The following STK33 variants were observed in gnomAD, a reference collection of about 807,000 sequenced individuals.
STK33 encodes serine/threonine kinase 33.
Under a neutral mutation model 58.0 loss-of-function variants are expected in STK33, and 52 were observed. The observed-to-expected ratio is 0.90, with a 90% CI of 0.72 to 1.13. The LOEUF (loss-of-function observed/expected upper bound fraction) is 1.13. Ranked by LOEUF, STK33 falls within the 50% of genes most tolerant of loss-of-function variation. The probability of loss-of-function intolerance (pLI) is 0.00; values close to 1 mark genes in which losing one functional copy is unlikely to be tolerated. For missense variants in STK33, 630 were observed against 604.2 expected, an observed-to-expected ratio of 1.04 and a Z score of -0.45; for synonymous variants, 215 against 200.1, an observed-to-expected ratio of 1.07 and a Z score of -0.63.
chr11:8,409,377 C>A (rs1939818534), intron 15 of STK33, among the ~76,000 whole-genome samples: 1 of 152,184 alleles, frequency 6.6e-6, no homozygotes, highest in Non-Finnish European at 1.5e-5. Flanking sequence ...ATCATGCAAA[C>A]ACTTTTAAGG....
intron 15 of STK33, among the ~76,000 whole-genome samples, chr11:8,396,739 T>G (rs1475636517): frequency 6.6e-6 from 1 of 152,198 alleles, no homozygotes; most frequent in African/African-American, 2.4e-5. Context: ...CAGATGGCAC[T>G]TGGAAAATCG....
At chr11:8,485,462 T>G (rs969428929) in intron 1 of STK33, among the ~76,000 whole-genome samples, 1 of 152,216 alleles carries the variant, frequency 6.6e-6, no homozygotes, top group Non-Finnish European at 1.5e-5. Flanking sequence ...TCAGCAGGAC[T>G]TTAGTCAGAT....
chr11:8,510,376 AGTTCCTT>A (rs1324227515), intron 1 of STK33, among the ~76,000 whole-genome samples: 1 of 152,082 alleles, frequency 6.6e-6, no homozygotes, highest in Non-Finnish European at 1.5e-5. Context: ...GACTTGCTTA[AGTTCCTT>A]GTAGATTCTG....
At chr11:8,545,113 G>A (rs562587151) in intron 1 of STK33, among the ~76,000 whole-genome samples, 1 of 152,296 alleles carries the variant, frequency 6.6e-6, no homozygotes, top group Admixed American at 6.5e-5. Flanking sequence ...TACCAGAAGT[G>A]TAAGTCCAAA....
chr11:8,368,259 C>A, the STK33 span, among the ~76,000 whole-genome samples: 1 of 152,204 alleles, frequency 6.6e-6, no homozygotes, highest in Non-Finnish European at 1.5e-5. Flanking sequence ...CCTAATCCCC[C>A]ACCCGGGCCT....
intron 1 of STK33, among the ~76,000 whole-genome samples, chr11:8,523,700 T>TG (rs201826209): frequency 4.8e-5 from 7 of 145,496 alleles, no homozygotes; most frequent in East Asian, 2.1e-4. Context: ...TTCCGGGAGG[T>TG]GGGGGGTGCC....
chr11:8,463,770 A>T (rs976774514), intron 7 of STK33, among the ~76,000 whole-genome samples: 1 of 152,308 alleles, frequency 6.6e-6, no homozygotes, highest in Admixed American at 6.5e-5. Context: ...AAAGATTATT[A>T]ATTCCTAAAG....
At chr11:8,507,709 C>T (rs1422915849) in intron 1 of STK33, among the ~76,000 whole-genome samples, 6 of 152,014 alleles carry the variant, frequency 3.9e-5, no homozygotes, top group Non-Finnish European at 8.8e-5. Flanking sequence ...GTAAACAAGC[C>T]CCTACTTTTT....
intron 14 of STK33, chr11:8,434,181 G>T: frequency 5.7e-6 from 1 of 175,170 alleles, no homozygotes; most frequent in Non-Finnish European, 1.2e-5. Context: ...CCAGGAGGCA[G>T]AGGTTGCAGT....
At chr11:8,492,263 A>G (rs1950681493) in intron 1 of STK33, among the ~76,000 whole-genome samples, 3 of 152,288 alleles carry the variant, frequency 2.0e-5, no homozygotes, top group African/African-American at 4.8e-5. Flanking sequence ...TACCAAGCAA[A>G]TGGAAAACAA....
rs2033058723 is a variant in STK33 at position 8,594,143 on chromosome 11, A to G, written c.-526T>C. On this transcript the variant is annotated 5_prime_UTR_variant, in exon 1 of 16. Transcript: ENST00000687296. ...GCACACTCGGCGCAGGCTGTCGCTG[A>G]GCCCGGAATTCTGCACCGGGAGAAA... 1.3e-5 allele frequency: 2 copies of G among 152,384 alleles called. No homozygotes were observed. The highest frequency in any genetic ancestry group is 2.4e-5 in the African/African-American group (1 of 41,572). The allele number at this position is 152,384 out of a possible 1,614,324, so 9.4% of individuals were successfully genotyped here.
At chr11:8,490,915 A>C (rs1950562441) in intron 1 of STK33, among the ~76,000 whole-genome samples, 1 of 152,234 alleles carries the variant, frequency 6.6e-6, no homozygotes, top group Admixed American at 6.5e-5. Flanking sequence ...AAGGATATCC[A>C]CACCAAAACC....
chr11:8,350,391 C>G, the STK33 span, among the ~76,000 whole-genome samples: 1 of 152,192 alleles, frequency 6.6e-6, no homozygotes, highest in South Asian at 2.1e-4. Context: ...CAGACCCCAG[C>G]CAACAAATGA....
the STK33 span, among the ~76,000 whole-genome samples, chr11:8,381,177 A>T: frequency 6.6e-6 from 1 of 152,036 alleles, no homozygotes; most frequent in Non-Finnish European, 1.5e-5. Context: ...TACTCGGGTG[A>T]TGGGTGCACT....
chr11:8,381,825 C>T, the STK33 span, among the ~76,000 whole-genome samples: 4 of 152,124 alleles, frequency 2.6e-5, no homozygotes, highest in African/African-American at 7.2e-5. Context: ...TAGGCAGATA[C>T]GCTTTTTCCA....
At chr11:8,522,238 A>G (rs1953522703) in intron 1 of STK33, among the ~76,000 whole-genome samples, 1 of 152,246 alleles carries the variant, frequency 6.6e-6, no homozygotes, top group African/African-American at 2.4e-5. Context: ...ATGTCCATCA[A>G]TGATTGACTG....
the STK33 span, among the ~76,000 whole-genome samples, chr11:8,342,588 G>A: frequency 6.6e-6 from 1 of 152,220 alleles, no homozygotes; most frequent in Non-Finnish European, 1.5e-5. Flanking sequence ...CGGGGCTGGT[G>A]CCCCACACTT....
At chr11:8,544,526 T>C (rs988869645) in intron 1 of STK33, among the ~76,000 whole-genome samples, 3 of 151,690 alleles carry the variant, frequency 2.0e-5, no homozygotes, top group Admixed American at 2.0e-4. Flanking sequence ...TGTTTTACTA[T>C]CTACATAATA....
intron 14 of STK33, among the ~76,000 whole-genome samples, chr11:8,432,386 A>C (rs1943530398): frequency 6.6e-6 from 1 of 152,174 alleles, no homozygotes; most frequent in South Asian, 2.1e-4. Context: ...GAAATGAATG[A>C]AAGAAAAGAA....
Sources: gnomAD v4.1 joint callset for allele counts (sites outside exome capture counted in the v4.1 genomes callset) on GRCh38, gnomAD v4.1.1 for gene constraint, MANE v1.5 for transcripts, NCBI Gene and HGNC (gene_info 2026-07-23, HGNC 2026-07-21) for gene names.